CAMK4: variants seen among roughly 807,000 people sequenced by gnomAD.
The protein encoded by CAMK4 is calcium/calmodulin dependent protein kinase IV, also known as calcium/calmodulin-dependent protein kinase type IV.
CAMK4 carries 22 observed loss-of-function variants against 44.9 expected under a neutral mutation model. The observed-to-expected ratio is 0.49, with a 90% CI of 0.35 to 0.70. CAMK4 has a LOEUF of 0.70. CAMK4 is among the 30% of genes least tolerant of loss of function. The pLI, the probability that CAMK4 is intolerant of heterozygous loss-of-function variation, is 0.01. For synonymous variants in CAMK4, 218 were observed against 215.4 expected, an observed-to-expected ratio of 1.01 and a Z score of -0.11; for missense variants, 498 against 586.8, an observed-to-expected ratio of 0.85 and a Z score of 1.56.
chr5:111,234,536 T>G (rs888502881), intron 1 of CAMK4, among the ~76,000 whole-genome samples: 2 of 152,206 alleles, frequency 1.3e-5, no homozygotes, highest in African/African-American at 4.8e-5. Context: ...TTAATATAAC[T>G]AATGCACTTC....
chr5:111,224,380 G>C (rs1288035161), upstream of CAMK4: 14 of 1,395,150 alleles, frequency 1.0e-5, no homozygotes, highest in Non-Finnish European at 1.0e-5. The surrounding 1 kb of genome is among the most constrained non-coding windows in gnomAD (Gnocchi z 5.7). Context: ...GAAGGACGCC[G>C]CCTCTCTCTC....
chr5:111,233,537 A>T (rs1276883439), intron 1 of CAMK4, among the ~76,000 whole-genome samples: 2 of 152,232 alleles, frequency 1.3e-5, no homozygotes, highest in African/African-American at 4.8e-5. Flanking sequence ...AACAATGTTC[A>T]TATCAAAAGA....
intron 5 of CAMK4, among the ~76,000 whole-genome samples, chr5:111,431,575 C>T (rs1423054559): frequency 1.3e-5 from 2 of 151,998 alleles, no homozygotes; most frequent in African/African-American, 4.8e-5. Flanking sequence ...GAAGAGACAA[C>T]CCACAGAATG....
rs374731669 is a variant in CAMK4 at position 111,300,257 on chromosome 5, A to T, written c.162-43767A>T. Among the ~76,000 whole-genome samples, 10 of 152,332 alleles carry T rather than the reference A, an allele frequency of 6.6e-5. No homozygotes were observed. The East Asian group carries it at 1.5e-3, about 23-fold the overall frequency. On this transcript the variant is annotated intron_variant, in intron 1 of 10. Transcript: ENST00000282356. ...AGACAGAATTATTACCATTAATGAA[A>T]CTGAAAAATATGAGAGACATAGACC...
chr5:111,278,508 A>G (rs1321662507), intron 1 of CAMK4, among the ~76,000 whole-genome samples: 1 of 152,236 alleles, frequency 6.6e-6, no homozygotes, highest in Admixed American at 6.5e-5. Flanking sequence ...ATAAACAAAG[A>G]GCCTGTTAGG....
chr5:111,276,099 A>C (rs1054070594), intron 1 of CAMK4, among the ~76,000 whole-genome samples: 3 of 152,128 alleles, frequency 2.0e-5, no homozygotes, highest in Non-Finnish European at 4.4e-5. Context: ...TGTGAGGGCT[A>C]ATGCTTTTAT....
rs1023668862 is a variant in CAMK4 at position 111,490,950 on chromosome 5, G to T, written c.*6484G>T. ...AGTGAGTGGGTACAGCTGAGTTGGG[G>T]TTTAGGTGATTTCTTATGCCCAATG... is the stretch of plus-strand genomic sequence containing the variant. On this transcript the variant is annotated 3_prime_UTR_variant, in exon 11 of 11. Coordinates refer to ENST00000282356, the MANE Select transcript of CAMK4 (RefSeq NM_001744.6). 6.6e-6 allele frequency: 1 copy of T among 152,152 alleles called. No individual in the cohort carries two copies. Among genetic ancestry groups the T allele is most frequent in the Non-Finnish European group, 1.5e-5 (1 of 68,030 alleles). 9.4% of individuals were successfully genotyped at this position (152,152 alleles called of 1,614,324 possible). A position where few individuals can be genotyped will look rare whatever the true frequency, so the allele number is the denominator to read the frequency against.
chr5:111,246,724 A>G (rs1428746468), intron 1 of CAMK4, among the ~76,000 whole-genome samples: 2 of 152,150 alleles, frequency 1.3e-5, no homozygotes, highest in Non-Finnish European at 2.9e-5. Context: ...TCTGTACACT[A>G]ATTGACCTAG....
chr5:111,476,011 A>G (rs180693626), intron 8 of CAMK4, among the ~76,000 whole-genome samples: 21 of 152,306 alleles, frequency 1.4e-4, no homozygotes, highest in African/African-American at 5.1e-4. Context: ...AAATCTTACA[A>G]TGAAGCTACG....
chr5:111,331,287 A>T (rs946126887), intron 1 of CAMK4, among the ~76,000 whole-genome samples: 9 of 151,796 alleles, frequency 5.9e-5, no homozygotes, highest in Non-Finnish European at 1.0e-4. Context: ...CAAAAGACCA[A>T]AATGCTTCAC....
At chr5:111,421,224 A>C (rs1002241391) in intron 5 of CAMK4, among the ~76,000 whole-genome samples, 1 of 152,240 alleles carries the variant, frequency 6.6e-6, no homozygotes, top group Non-Finnish European at 1.5e-5. Flanking sequence ...ATTCCTCAGC[A>C]CAAACCCTAT....
chr5:111,325,261 T>C (rs1350712113), intron 1 of CAMK4, among the ~76,000 whole-genome samples: 2 of 152,138 alleles, frequency 1.3e-5, no homozygotes, highest in Non-Finnish European at 2.9e-5. Context: ...CAGTCTATCA[T>C]TGATGGGCAT....
At chr5:111,257,926 CAT>C (rs1443732417) in intron 1 of CAMK4, among the ~76,000 whole-genome samples, 3 of 152,164 alleles carry the variant, frequency 2.0e-5, no homozygotes, top group Admixed American at 2.0e-4. Context: ...CGTTCTCACT[CAT>C]GTGGGAGCTG....
Position 111,289,252 on chromosome 5 carries a change from A to G in CAMK4, c.162-54772A>G, listed in dbSNP as rs566626776. Among the ~76,000 whole-genome samples the G allele has an allele frequency of 1.8e-4, 27 of 152,320 alleles. 1 individual carries two copies. The highest frequency in any genetic ancestry group is 3.4e-3 in the Middle Eastern group (1 of 294). ...TCCCAGCTATTCGGGAGGCTGAGAC[A>G]ACAGAATTGCTTGAACCGGGGAGGC... is the stretch of plus-strand genomic sequence containing the variant. On this transcript the variant is annotated intron_variant, in intron 1 of 10. Coordinates refer to ENST00000282356, the MANE Select transcript of CAMK4 (RefSeq NM_001744.6).
chr5:111,318,912 G>T (rs1171250242), intron 1 of CAMK4, among the ~76,000 whole-genome samples: 1 of 152,190 alleles, frequency 6.6e-6, no homozygotes, highest in African/African-American at 2.4e-5. Context: ...TGGATTCTTT[G>T]TTGTATTTTT....
In CAMK4 at chr5:111,491,594, C is replaced by T. The variant is rs1755836960; in HGVS notation, c.*7128C>T. The T allele has an allele frequency of 6.6e-6, 1 of 152,130 alleles. No individual in the cohort carries two copies. The allele number at this position is 152,130 out of a possible 1,614,324, so 9.4% of individuals were successfully genotyped here. A position where few individuals can be genotyped will look rare whatever the true frequency, so the allele number is the denominator to read the frequency against. ...CTACAGAACTAAAAACGCAAAATTGCATCACTCCTGAAGAAAAGAAATTTA... is the reference window on the plus strand; with the variant it reads ...CTACAGAACTAAAAACGCAAAATTGTATCACTCCTGAAGAAAAGAAATTTA... On this transcript the variant is annotated 3_prime_UTR_variant, in exon 11 of 11. Transcript: ENST00000282356.
At position 111,449,178 on chromosome 5, in the gene CAMK4, A is replaced by G; in HGVS notation, c.600A>G (p.Thr200=). 3 of 1,572,682 alleles carry G rather than the reference A, an allele frequency of 1.9e-6. No homozygotes were observed. The highest frequency in any genetic ancestry group is 2.6e-6 in the Non-Finnish European group (3 of 1,144,928). ...TGGAACATCAAGTGCTCATGAAGACAGTATGTGGAACCCCAGGGTACTGCG... is the reference window on the plus strand; with the variant it reads ...TGGAACATCAAGTGCTCATGAAGACGGTATGTGGAACCCCAGGGTACTGCG... ...KIVEHQVLMK[T]VCGTPGYCAP... is the part of the protein sequence containing the mutation. The change falls in exon 7 of 11, where the codon ACA becomes ACG. Residue 200 remains threonine (T), a synonymous_variant. Transcript: ENST00000282356.
intron 5 of CAMK4, among the ~76,000 whole-genome samples, chr5:111,416,219 T>C (rs1580723059): frequency 6.6e-6 from 1 of 152,068 alleles, no homozygotes; most frequent in South Asian, 2.1e-4. Context: ...AAACTATGCA[T>C]ATATATGAAC....
intron 1 of CAMK4, among the ~76,000 whole-genome samples, chr5:111,258,738 A>AGTGT (rs1271950111): frequency 9.5e-6 from 1 of 104,930 alleles, no homozygotes; most frequent in Non-Finnish European, 1.9e-5. Flanking sequence ...CAGAGTTATC[A>AGTGT]GCGTGTGTGT....
Sources: allele counts gnomAD v4.1 joint callset (sites outside exome capture counted in the v4.1 genomes callset), GRCh38; gene constraint gnomAD v4.1.1; non-coding constraint Gnocchi (gnomAD v3.1); transcripts MANE v1.5; gene names NCBI Gene and HGNC (gene_info 2026-07-23, HGNC 2026-07-21).